The following CADPS variants were observed in gnomAD, a reference collection of about 807,000 sequenced individuals.
CADPS encodes the protein calcium-dependent secretion activator 1.
CADPS carries 57 observed loss-of-function variants against 167.3 expected under a neutral mutation model. That is an observed-to-expected ratio of 0.34 (90% CI 0.28 to 0.42). CADPS has a LOEUF of 0.42. Among genes scored for constraint, CADPS ranks in the 20% least tolerant of loss-of-function variants. The pLI is 1.00. For synonymous variants in CADPS, 676 were observed against 635.3 expected (o/e 1.06, Z -0.96); for missense variants, 1,414 against 1,738.1 (o/e 0.81, Z 3.32).
At chr3:62,571,657 T>C (rs1002550856) in intron 8 of CADPS, among the ~76,000 whole-genome samples, 4 of 151,996 alleles carry the variant, frequency 2.6e-5, no homozygotes, top group Admixed American at 2.0e-4. Flanking sequence ...CTCCTCCTCC[T>C]GGGTTCAAGT....
rs535068388 is a variant in CADPS, at chr3:62,754,105, G to A, written c.556-332C>T. Among the ~76,000 whole-genome samples the A allele has an allele frequency of 6.6e-5, 10 of 152,246 alleles. 1 individual carries two copies. The South Asian group carries it at 2.1e-3, about 32-fold the overall frequency. ...GGTTCTCTGCCCCTTAGTGGCTGTGGGACTTTGGGCAAGTTAACCTCTTTG... is the reference window on the plus strand; with the variant it reads ...GGTTCTCTGCCCCTTAGTGGCTGTGAGACTTTGGGCAAGTTAACCTCTTTG... On this transcript the variant is annotated intron_variant, in intron 2 of 29. Coordinates refer to ENST00000383710, the MANE Select transcript of CADPS (RefSeq NM_003716.4).
At chr3:62,708,058 T>A (rs1265345666) in intron 3 of CADPS, among the ~76,000 whole-genome samples, 2 of 152,032 alleles carry the variant, frequency 1.3e-5, no homozygotes, top group Non-Finnish European at 2.9e-5. Flanking sequence ...TCTGAGTATC[T>A]GGGACCATAG....
intron 1 of CADPS, among the ~76,000 whole-genome samples, chr3:62,785,004 A>C (rs2092280592): frequency 6.6e-6 from 1 of 152,130 alleles, no homozygotes; most frequent in South Asian, 2.1e-4. Flanking sequence ...AGATCTTTAT[A>C]TTTTGGAGAT....
intron 3 of CADPS, among the ~76,000 whole-genome samples, chr3:62,710,677 C>T (rs1310622550): frequency 2.6e-5 from 4 of 152,008 alleles, no homozygotes; most frequent in Non-Finnish European, 5.9e-5. Flanking sequence ...GCTAGGGCTC[C>T]GAGTCACCAA....
chr3:62,493,954 C>T (rs568982253), intron 18 of CADPS, among the ~76,000 whole-genome samples: 21 of 152,104 alleles, frequency 1.4e-4, no homozygotes, highest in South Asian at 1.0e-3. Context: ...TAAGTGTAAA[C>T]GTTTTTTAAG....
Position 62,753,655 on chromosome 3 carries a change from A to T in CADPS, c.674T>A (p.Ile225Asn). 1 of 1,614,148 alleles carries T rather than the reference A, an allele frequency of 6.2e-7. No homozygotes were observed. The highest frequency in any genetic ancestry group is 8.5e-7 in the Non-Finnish European group (1 of 1,180,032). The part of the protein sequence containing the change: ...IEKRVRSLPE[I>N]DGLSKETVLS... ...CACAGTCTCCTTGCTGAGGCCGTCA[A>T]TCTCAGGCAGGCTGCGCACTCTCTT... is the stretch of plus-strand genomic sequence containing the variant. The change falls in exon 3 of 30, where the codon ATT becomes AAT. Residue 225 changes from isoleucine (I) to asparagine (N), a missense_variant. Around this residue, in one of 6 missense-constraint regions of CADPS, gnomAD observed 522 missense variants for 559.5 expected, o/e 0.93. Transcript: ENST00000383710. This position sits in a 1 kb window ranked among gnomAD's most constrained non-coding sequence, Gnocchi z 4.6.
At chr3:62,566,667 T>C (rs775242370) in intron 9 of CADPS, among the ~76,000 whole-genome samples, 7 of 152,278 alleles carry the variant, frequency 4.6e-5, no homozygotes, top group Middle Eastern at 6.8e-3. Flanking sequence ...GATATTGTTG[T>C]GGTGAATAGG....
intron 1 of CADPS, among the ~76,000 whole-genome samples, chr3:62,781,121 GGT>G (rs2152653306): frequency 6.6e-6 from 1 of 152,240 alleles, no homozygotes; most frequent in Admixed American, 6.5e-5. Context: ...TGTTGCAGGA[GGT>G]GTGTTTTTCT....
Position 62,651,077 on chromosome 3 carries a change from G to C in CADPS, c.973C>G (p.Arg325Gly), listed in dbSNP as rs768219996. The change falls in exon 5 of 30, where the codon CGC (arginine) becomes GGC (glycine). Residue 325 changes from arginine to glycine, a missense_variant. Physicochemically the swap from Arg to Gly is moderately radical, Grantham distance 125. Coordinates refer to ENST00000383710, the MANE Select transcript of CADPS (RefSeq NM_003716.4). Reference protein sequence around the residue: ...LQMADQIARERKFPKFVSKEM... With the variant: ...LQMADQIAREGKFPKFVSKEM... ...TTGGATACAAACTTGGGAAATTTGC[G>C]TTCCTTGGGAAGAAAAAGAAAAGTA... 1 of 1,609,672 alleles carries C rather than the reference G, an allele frequency of 6.2e-7. No homozygotes were observed. The highest frequency in any genetic ancestry group is 2.2e-5 in the East Asian group (1 of 44,824).
chr3:62,788,535 A>G (rs866183545), intron 1 of CADPS, among the ~76,000 whole-genome samples: 1 of 152,214 alleles, frequency 6.6e-6, no homozygotes. Context: ...TTGAAGACGT[A>G]TCAGAATGAT....
chr3:62,711,818 T>C (rs1450607874), intron 3 of CADPS, among the ~76,000 whole-genome samples: 1 of 152,226 alleles, frequency 6.6e-6, no homozygotes, highest in Non-Finnish European at 1.5e-5. Context: ...CTAAGAGCTA[T>C]ATGCATGACT....
rs77317998 is a variant in CADPS at position 62,414,050 on chromosome 3, T to G, written c.3778-10865A>C. ...TTGCTCAGTCATTTATTTGGTTTAT[T>G]TAAAACATGCCACGGGGCCAACATT... On this transcript the variant is annotated intron_variant, in intron 28 of 29. Transcript: ENST00000383710. Among the ~76,000 whole-genome samples, 6 of 152,226 alleles carry G rather than the reference T, an allele frequency of 3.9e-5. No homozygotes were observed. In the East Asian group the frequency reaches 1.2e-3, roughly 29 times the overall value.
At chr3:62,577,191 T>A (rs115701055) in intron 8 of CADPS, among the ~76,000 whole-genome samples, 3 of 152,154 alleles carry the variant, frequency 2.0e-5, no homozygotes, top group Non-Finnish European at 4.4e-5. Context: ...TGGCAATGCT[T>A]GTAACTTTTC....
intron 1 of CADPS, among the ~76,000 whole-genome samples, chr3:62,835,914 C>G (rs304178): frequency 0.079 from 12,015 of 152,260 alleles, 1,109 homozygotes; most frequent in African/African-American, 0.22. Context: ...ATGACTTCAT[C>G]TAAAGCTAAT....
intron 9 of CADPS, among the ~76,000 whole-genome samples, chr3:62,570,302 G>A (rs1361865596): frequency 1.3e-5 from 2 of 150,510 alleles, no homozygotes; most frequent in East Asian, 3.9e-4. Flanking sequence ...GTTATGGGAC[G>A]TTGGCTAAGA....
chr3:62,840,584 A>C (rs560324140), intron 1 of CADPS, among the ~76,000 whole-genome samples: 1 of 152,212 alleles, frequency 6.6e-6, no homozygotes, highest in African/African-American at 2.4e-5. Context: ...TGTATATATA[A>C]AAAAGTGTGT....
chr3:62,694,937 G>C (rs573358378), intron 3 of CADPS, among the ~76,000 whole-genome samples: 1 of 152,018 alleles, frequency 6.6e-6, no homozygotes, highest in African/African-American at 2.4e-5. Context: ...CAGAATTCAC[G>C]GGCCCAGCAA....
At chr3:62,520,744 C>T (rs1310750559) in intron 13 of CADPS, among the ~76,000 whole-genome samples, 1 of 152,174 alleles carries the variant, frequency 6.6e-6, no homozygotes, top group Non-Finnish European at 1.5e-5. Context: ...ACAGGAGATG[C>T]TGCTTTACAA....
At chr3:62,488,312 G>A (rs780876727) in intron 21 of CADPS, among the ~76,000 whole-genome samples, 1 of 152,146 alleles carries the variant, frequency 6.6e-6, no homozygotes, top group Non-Finnish European at 1.5e-5. Context: ...GAAACATGGA[G>A]AGAGTCACTC....
Sources: allele counts gnomAD v4.1 joint callset (sites outside exome capture counted in the v4.1 genomes callset), GRCh38; gene constraint gnomAD v4.1.1; regional missense constraint gnomAD v4.1.1; non-coding constraint Gnocchi (gnomAD v3.1); transcripts MANE v1.5; gene names NCBI Gene and HGNC (gene_info 2026-07-23, HGNC 2026-07-21).